CDAN1: variants seen among roughly 807,000 people sequenced by gnomAD.
CDAN1 encodes the protein codanin-1.
A neutral mutation model predicts 139.8 loss-of-function variants in CDAN1; 107 were observed. The ratio of observed to expected loss-of-function variants is 0.77; its 90% confidence interval spans 0.65 to 0.90. The LOEUF (loss-of-function observed/expected upper bound fraction) is 0.90. Ranked by LOEUF, CDAN1 falls within the 40% of genes least tolerant of loss-of-function variation. The pLI, the probability that CDAN1 is intolerant of heterozygous loss-of-function variation, is 0.00. For synonymous variants in CDAN1, 776 were observed against 660.6 expected, an observed-to-expected ratio of 1.17 and a Z score of -2.68; for missense variants, 1,667 against 1,575.7, an observed-to-expected ratio of 1.06 and a Z score of -0.98.
chr15:42,732,907 A>T (rs2061633603), intron 9 of CDAN1, among the ~76,000 whole-genome samples, 190 bp downstream of exon 9: 1 of 152,220 alleles, frequency 6.6e-6, no homozygotes, highest in African/African-American at 2.4e-5. Context: ...GAGTGGAAGG[A>T]GCTGGAGAGA....
At position 42,736,563 on chromosome 15, in the gene CDAN1, G is replaced by A. The variant is rs1467143318; in HGVS notation, c.308C>T (p.Pro103Leu). ...GGCAGCGGTGCTCTGGGCCTCGGTCGGAGGGAAAAGCTGGCTGCGCGCCCC... is the reference window on the plus strand; with the variant it reads ...GGCAGCGGTGCTCTGGGCCTCGGTCAGAGGGAAAAGCTGGCTGCGCGCCCC... The part of the protein sequence containing the change: ...SRGARSQLFP[P>L]TEAQSTAAEA... The change falls in exon 2 of 28, where the codon CCG (proline) becomes CTG (leucine). Residue 103 changes from proline to leucine, a missense_variant. Pro to Leu is a moderately conservative substitution (Grantham distance 98). Around this residue, in one of 3 missense-constraint regions of CDAN1, gnomAD observed 487 missense variants for 422.2 expected, o/e 1.15. Transcript: ENST00000356231. 6.7e-7 allele frequency: 1 copy of A among 1,485,696 alleles called. No homozygotes were observed. Among genetic ancestry groups the A allele is most frequent in the Non-Finnish European group, 8.9e-7 (1 of 1,120,282 alleles). 92.0% of individuals were successfully genotyped at this position (1,485,696 alleles called of 1,614,324 possible).
chr15:42,729,544 C>T (rs201119882), intron 17 of CDAN1, 24 bp downstream of exon 17: 107 of 1,613,814 alleles, frequency 6.6e-5, no homozygotes, highest in Middle Eastern at 3.3e-4. Context: ...GACCAAGGAC[C>T]GTCCAGGGAA....
At position 42,736,645 on chromosome 15, in the gene CDAN1, G is replaced by C. The variant is rs1476353311; in HGVS notation, c.226C>G (p.Pro76Ala). 3.3e-6 allele frequency: 5 copies of C among 1,526,332 alleles called. No homozygotes were observed. The highest frequency in any genetic ancestry group is 2.6e-5 in the East Asian group (1 of 38,036). The allele number at this position is 1,526,332 out of a possible 1,614,324, so 94.5% of individuals were successfully genotyped here. A position where few individuals can be genotyped will look rare whatever the true frequency, so the allele number is the denominator to read the frequency against. The change falls in exon 2 of 28, where the codon CCG becomes GCG. Residue 76 changes from proline (P) to alanine (A), a missense_variant. This residue lies in a region of CDAN1 where 487 missense variants were observed against 422.2 expected (regional missense o/e 1.15). Coordinates refer to ENST00000356231, the MANE Select transcript of CDAN1 (RefSeq NM_138477.4). ...CCTGGCAAGGCTGCCGAGGCGCCCG[G>C]GGTCTTGGCGGGGGTCGGGGGCCCC... The part of the protein sequence containing the change: ...PQGPPTPAKT[P>A]GASAALPGRP...
intron 23 of CDAN1, chr15:42,727,294 G>A (rs113549806): frequency 1.8e-5 from 5 of 272,646 alleles, no homozygotes; most frequent in African/African-American, 2.2e-5. Flanking sequence ...ATACTGGGGC[G>A]ACTGCCTCCT....
intron 2 of CDAN1, 52 bp from the exon 3 acceptor site, chr15:42,736,130 C>T (rs1171883895): frequency 1.3e-6 from 2 of 1,591,874 alleles, no homozygotes; most frequent in Non-Finnish European, 1.7e-6. Context: ...CAAACATCTC[C>T]CCTCCACCAC....
chr15:42,733,308 CTT>C (rs1169051001), intron 8 of CDAN1, 122 bp from the exon 9 acceptor site: 10 of 790,708 alleles, frequency 1.3e-5, no homozygotes, highest in African/African-American at 5.1e-5. Context: ...GAGTCTTGCT[CTT>C]GTCACTCAGG....
At position 42,729,293 on chromosome 15, in the gene CDAN1, T is replaced by C. The variant is rs2061577091; in HGVS notation, c.2477A>G (p.Lys826Arg). ...SSGRSGGFMR[K>R]ITPTTTTSLG... ...GCTGGTGGTAGTGGTGGGGGTGATT[T>C]TCCTCATGAAGCCCCCACTCCGTCC... The change falls in exon 18 of 28, where the codon AAA becomes AGA. Residue 826 changes from lysine (K) to arginine (R), a missense_variant. Around this residue, in one of 3 missense-constraint regions of CDAN1, gnomAD observed 936 missense variants for 844.1 expected, o/e 1.11. Coordinates refer to ENST00000356231, the MANE Select transcript of CDAN1 (RefSeq NM_138477.4). 1 of 1,613,786 alleles carries C rather than the reference T, an allele frequency of 6.2e-7. No individual in the cohort carries two copies. Among genetic ancestry groups the C allele is most frequent in the Admixed American group, 1.7e-5 (1 of 59,996 alleles).
At position 42,724,395 on chromosome 15, in the gene CDAN1, C is replaced by T; in HGVS notation, c.*96G>A. The stretch of plus-strand genomic sequence containing the variant: ...TCTGACTGTAGACCCAGCTACACCC[C>T]AACCAGTGAGGGTCTGCATTGGGCA... On this transcript the variant is annotated 3_prime_UTR_variant, in exon 28 of 28. Coordinates refer to ENST00000356231, the MANE Select transcript of CDAN1 (RefSeq NM_138477.4). 1 of 1,500,402 alleles carries T rather than the reference C, an allele frequency of 6.7e-7. No homozygotes were observed. Among genetic ancestry groups the T allele is most frequent in the East Asian group, 2.5e-5 (1 of 40,256 alleles). 92.9% of individuals were successfully genotyped at this position (1,500,402 alleles called of 1,614,324 possible).
Position 42,731,071 on chromosome 15 carries a change from C to G in CDAN1, c.1861G>C (p.Gly621Arg). Residue 621 changes from glycine (G) to arginine (R), a missense_variant and splice_region_variant, in exon 13 of 28, where the codon GGT becomes CGT. By Grantham distance (125) the Gly-to-Arg change is moderately radical. Coordinates refer to ENST00000356231, the MANE Select transcript of CDAN1 (RefSeq NM_138477.4). ...EDGESDVDWQ[G>R]ERKQFAVVLL... ...ACCACAGCAAATTGCTTCCGCTCAC[C>G]CTGCATGGAATCAAGGGAAGTAAAA... 1 of 1,614,190 alleles carries G rather than the reference C, an allele frequency of 6.2e-7. No individual in the cohort carries two copies. Among genetic ancestry groups the G allele is most frequent in the Non-Finnish European group, 8.5e-7 (1 of 1,180,044 alleles).
chr15:42,729,033 T>C lies in CDAN1; in HGVS notation c.2635A>G (p.Lys879Glu). The C allele has an allele frequency of 6.2e-7, 1 of 1,614,152 alleles. No individual in the cohort carries two copies. Among genetic ancestry groups the C allele is most frequent in the Non-Finnish European group, 8.5e-7 (1 of 1,179,986 alleles). ...TTAACCCACTCTTACTTGATATGTT[T>C]GACACAGTTTGATCCAATTCTTTCT... ...VAERIGSNCV[K>E]HIKATLVADL... The change falls in exon 19 of 28, where the codon AAA becomes GAA. Residue 879 changes from lysine (K) to glutamate (E), a missense_variant. Lys to Glu is a moderately conservative substitution (Grantham distance 56). Transcript: ENST00000356231.
intron 25 of CDAN1, 36 bp downstream of exon 25, chr15:42,726,061 C>T: frequency 3.8e-6 from 6 of 1,577,550 alleles, no homozygotes; most frequent in Non-Finnish European, 4.3e-6. Context: ...TTTGGGGGAT[C>T]AGGCAAGAGA....
intron 9 of CDAN1, among the ~76,000 whole-genome samples, chr15:42,732,804 G>A (rs1011939984): frequency 8.3e-6 from 1 of 120,934 alleles, no homozygotes; most frequent in South Asian, 2.5e-4. Context: ...TGTCTAAGCA[G>A]TGACTTGGGC....
chr15:42,730,257 G>C, intron 14 of CDAN1, 42 bp from the exon 15 acceptor site: 1 of 1,552,538 alleles, frequency 6.4e-7, no homozygotes, highest in Non-Finnish European at 8.9e-7. Flanking sequence ...AGCAGAAAGG[G>C]GAAGGGAATG....
chr15:42,733,856 T>TA, intron 8 of CDAN1, 82 bp downstream of exon 8: 7 of 1,093,796 alleles, frequency 6.4e-6, no homozygotes, highest in Non-Finnish European at 9.7e-6. Context: ...GCCAAACTCC[T>TA]AATTTCTATG....
chr15:42,731,773 T>G lies in CDAN1; in HGVS notation c.1586A>C (p.Asp529Ala). The G allele has an allele frequency of 6.2e-7, 1 of 1,614,010 alleles. No individual in the cohort carries two copies. Among genetic ancestry groups the G allele is most frequent in the Non-Finnish European group, 8.5e-7 (1 of 1,180,004 alleles). The change falls in exon 11 of 28, where the codon GAT (aspartate) becomes GCT (alanine). Residue 529 changes from aspartate (D) to alanine (A), a missense_variant. Asp to Ala is a moderately radical substitution (Grantham distance 126). Transcript: ENST00000356231. ...GTCAGCTCCCAGCATACTCAACACA[T>G]CTGGGGCCTCGCCCAAGACGGTGCC... Reference protein sequence around the residue: ...AGGTVLGEAPDVLSMLGADKL... With the variant: ...AGGTVLGEAPAVLSMLGADKL...
chr15:42,727,483 T>C, intron 23 of CDAN1, 138 bp downstream of exon 23: 3 of 748,908 alleles, frequency 4.0e-6, no homozygotes, highest in Non-Finnish European at 6.3e-6. Context: ...CATTCAGTAA[T>C]GAGTGAAACG....
chr15:42,726,744 A>G, intron 23 of CDAN1: 2 of 399,874 alleles, frequency 5.0e-6, no homozygotes, highest in South Asian at 3.1e-5. Flanking sequence ...CATGTAAGGA[A>G]ACCGGCCTAT....
In CDAN1 at chr15:42,736,266, G is replaced by A. The variant is rs750713023; in HGVS notation, c.569+36C>T. The A allele has an allele frequency of 5.0e-6, 8 of 1,612,076 alleles. No homozygotes were observed. The East Asian group carries it at 6.7e-5, about 13-fold the overall frequency. On this transcript the variant is annotated intron_variant, in intron 2 of 27. Coordinates refer to ENST00000356231, the MANE Select transcript of CDAN1 (RefSeq NM_138477.4). ...GAATGACTGACTCCCCAGAGCCTTC[G>A]TGGTACCCATCTCCTGCATGAGAGC...
chr15:42,731,693 C>G lies in CDAN1; in HGVS notation c.1666G>C (p.Gly556Arg), dbSNP rs1169981568. Residue 556 changes from glycine to arginine, a missense_variant, in exon 11 of 28, where the codon GGG (glycine) becomes CGG (arginine). Gly to Arg is a moderately radical substitution (Grantham distance 125). This residue lies in a region of CDAN1 where 936 missense variants were observed against 844.1 expected (regional missense o/e 1.11). Coordinates refer to ENST00000356231, the MANE Select transcript of CDAN1 (RefSeq NM_138477.4). ...AAGGTGGGGGGTGGGCAGGGCCCCC[C>G]ACTGCTCTGAGGAGCCATAAGCCGT... ...QERLMAPQSS[G>R]GPCPPPTFPG... is the part of the protein sequence containing the mutation. The G allele has an allele frequency of 6.2e-7, 1 of 1,614,150 alleles. No individual in the cohort carries two copies.
Sources: allele counts gnomAD v4.1 joint callset (sites outside exome capture counted in the v4.1 genomes callset), GRCh38; gene constraint gnomAD v4.1.1; regional missense constraint gnomAD v4.1.1; transcripts MANE v1.5; gene names NCBI Gene and HGNC (gene_info 2026-07-23, HGNC 2026-07-21).